The following METTL15 variants were observed in gnomAD, a reference collection of about 807,000 sequenced individuals.
METTL15 encodes the protein 12S rRNA N(4)-cytidine methyltransferase METTL15.
METTL15 carries 34 observed loss-of-function variants against 38.3 expected under a neutral mutation model. The ratio of observed to expected loss-of-function variants is 0.89; its 90% CI spans 0.68 to 1.18. The LOEUF (loss-of-function observed/expected upper bound fraction) is 1.18, where lower values mean the gene tolerates loss of function less well. METTL15 is among the 50% of genes most tolerant of loss of function. METTL15 has a pLI of 0.00. For synonymous variants in METTL15, 162 were observed against 170.9 expected, an observed-to-expected ratio of 0.95 and a Z score of 0.41; for missense variants, 438 against 498.4, an observed-to-expected ratio of 0.88 and a Z score of 1.15.
At chr11:28,215,104 G>A (rs1458657769) in intron 4 of METTL15, among the ~76,000 whole-genome samples, 1 of 152,160 alleles carries the variant, frequency 6.6e-6, no homozygotes, top group African/African-American at 2.4e-5. Flanking sequence ...AACTATGATT[G>A]GACAAAAAGG....
At chr11:28,515,718 T>G (rs10501099) in intron 6 of METTL15, among the ~76,000 whole-genome samples, 68,224 of 152,040 alleles carry the variant, frequency 0.45, 15,908 homozygotes, top group Admixed American at 0.54. Flanking sequence ...TTGCTATAGG[T>G]CCCATTTTTA....
intron 4 of METTL15, among the ~76,000 whole-genome samples, chr11:28,272,594 G>A (rs936951852): frequency 1.2e-4 from 19 of 152,142 alleles, no homozygotes; most frequent in Admixed American, 1.2e-3. Context: ...GACAGGGATA[G>A]CATCAGGAGA....
At chr11:28,393,369 A>C (rs1850531848) in intron 5 of METTL15, among the ~76,000 whole-genome samples, 1 of 152,106 alleles carries the variant, frequency 6.6e-6, no homozygotes, top group African/African-American at 2.4e-5. Flanking sequence ...TGAATAACAA[A>C]TTACCCCAAA....
chr11:28,186,712 T>G (rs1184382268), intron 3 of METTL15, among the ~76,000 whole-genome samples: 1 of 151,224 alleles, frequency 6.6e-6, no homozygotes, highest in East Asian at 1.9e-4. Context: ...AAACAATATA[T>G]TTGTTTCTTT....
At chr11:28,146,352 C>G (rs1489103789) in intron 3 of METTL15, among the ~76,000 whole-genome samples, 1 of 151,924 alleles carries the variant, frequency 6.6e-6, no homozygotes, top group Non-Finnish European at 1.5e-5. Context: ...CATGAAGCCT[C>G]TAGTGTTCTA....
chr11:28,155,010 A>C (rs1468696870), intron 3 of METTL15, among the ~76,000 whole-genome samples: 1 of 152,114 alleles, frequency 6.6e-6, no homozygotes, highest in African/African-American at 2.4e-5. Context: ...AGTTTCTCCT[A>C]ATGGGATTTA....
chr11:28,207,102 C>T (rs1445563711), intron 3 of METTL15, among the ~76,000 whole-genome samples: 2 of 148,382 alleles, frequency 1.3e-5, no homozygotes, highest in Admixed American at 6.7e-5. Context: ...CCTTTTATTT[C>T]CTTCTCTTGC....
At chr11:28,288,212 G>A (rs1311656435) in intron 4 of METTL15, among the ~76,000 whole-genome samples, 2 of 152,162 alleles carry the variant, frequency 1.3e-5, no homozygotes, top group Admixed American at 1.3e-4. Context: ...ATACACTGTA[G>A]TGGAAGTGTA....
intron 4 of METTL15, among the ~76,000 whole-genome samples, chr11:28,278,099 C>A (rs1855911709): frequency 6.6e-6 from 1 of 152,152 alleles, no homozygotes; most frequent in Admixed American, 6.5e-5. Flanking sequence ...GCCCCATAAA[C>A]TTGTACAAAA....
In METTL15 at chr11:28,190,588, G is replaced by A. The variant is rs554292551; in HGVS notation, c.271-20474G>A. Among the ~76,000 whole-genome samples the A allele has an allele frequency of 2.0e-5, 3 of 151,056 alleles. No homozygotes were observed. In the East Asian group the frequency reaches 5.8e-4, roughly 29 times the overall value. On this transcript the variant is annotated intron_variant, in intron 3 of 6. Coordinates refer to ENST00000407364, the MANE Select transcript of METTL15 (RefSeq NM_001113528.2). ...CTGGCCTTATCATTGAGAAAATTAA[G>A]GTATAAATTTTACCTTCAGGCAAGA...
chr11:28,236,332 A>AG (rs1221700317), intron 4 of METTL15, among the ~76,000 whole-genome samples: 26 of 152,312 alleles, frequency 1.7e-4, no homozygotes, highest in East Asian at 1.4e-3. Context: ...AAAATGAGTT[A>AG]GGGAGGATTC....
intron 5 of METTL15, among the ~76,000 whole-genome samples, chr11:28,419,965 ACAGT>A (rs1303618342): frequency 6.6e-6 from 1 of 152,166 alleles, no homozygotes; most frequent in Non-Finnish European, 1.5e-5. Flanking sequence ...TCAAAAATAC[ACAGT>A]CAGAAGAGAC....
At chr11:28,274,086 C>G (rs1034375226) in intron 4 of METTL15, among the ~76,000 whole-genome samples, 8 of 151,924 alleles carry the variant, frequency 5.3e-5, no homozygotes, top group Non-Finnish European at 7.4e-5. Context: ...CACAGAAAAA[C>G]CCTTTCAGAG....
chr11:28,148,900 G>T (rs1277477436), intron 3 of METTL15, among the ~76,000 whole-genome samples: 1 of 151,806 alleles, frequency 6.6e-6, no homozygotes, highest in African/African-American at 2.4e-5. Context: ...TAAACACTCT[G>T]ATCTCAGTGA....
chr11:28,333,663 A>T (rs1049752358), downstream of METTL15, among the ~76,000 whole-genome samples: 2 of 151,938 alleles, frequency 1.3e-5, no homozygotes, highest in Non-Finnish European at 2.9e-5. Context: ...TTAAAATTGT[A>T]TATTAATTAC....
At chr11:28,363,827 AAAG>A (rs1221930067) in intron 5 of METTL15, among the ~76,000 whole-genome samples, 3 of 152,196 alleles carry the variant, frequency 2.0e-5, no homozygotes, top group African/African-American at 7.2e-5. Flanking sequence ...TTTTAGATTT[AAAG>A]CTTTAATCCA....
At chr11:28,318,100 A>C (rs1857542459) in intron 6 of METTL15, among the ~76,000 whole-genome samples, 1 of 152,182 alleles carries the variant, frequency 6.6e-6, no homozygotes, top group African/African-American at 2.4e-5. Context: ...TCCGCATAAA[A>C]TTGCATGTAC....
At chr11:28,437,402 A>C (rs1256863199) in intron 6 of METTL15, among the ~76,000 whole-genome samples, 1 of 152,240 alleles carries the variant, frequency 6.6e-6, no homozygotes, top group Non-Finnish European at 1.5e-5. Context: ...TAATTGAATA[A>C]ATAAATGGAA....
At chr11:28,151,378 A>T (rs1850084448) in intron 3 of METTL15, among the ~76,000 whole-genome samples, 1 of 151,798 alleles carries the variant, frequency 6.6e-6, no homozygotes, top group Non-Finnish European at 1.5e-5. Flanking sequence ...TGTTATATGG[A>T]TCTAACTTTA....
Sources: allele counts gnomAD v4.1 joint callset (sites outside exome capture counted in the v4.1 genomes callset), GRCh38; gene constraint gnomAD v4.1.1; transcripts MANE v1.5; gene names NCBI Gene and HGNC (gene_info 2026-07-23, HGNC 2026-07-21).